The following SLC35F3 variants were observed in gnomAD, a reference collection of about 807,000 sequenced individuals.
The protein encoded by SLC35F3 is putative thiamine transporter SLC35F3.
Under a neutral mutation model 49.9 loss-of-function variants are expected in SLC35F3, and 25 were observed. The ratio of observed to expected loss-of-function variants is 0.50; its 90% CI spans 0.37 to 0.70. The LOEUF is 0.70. Ranked by LOEUF, SLC35F3 falls within the 30% of genes least tolerant of loss-of-function variation. The pLI is 0.00. For synonymous variants in SLC35F3, 275 were observed against 265.4 expected (o/e 1.04, Z -0.35); for missense variants, 525 against 639.8 (o/e 0.82, Z 1.94).
At chr1:234,199,737 A>G (rs1666872991) in intron 2 of SLC35F3, among the ~76,000 whole-genome samples, 3 of 151,532 alleles carry the variant, frequency 2.0e-5, no homozygotes, top group Admixed American at 6.7e-5. Flanking sequence ...TTTGCAAACC[A>G]TACATCTGAT....
chr1:234,006,137 C>T (rs1663627312), intron 2 of SLC35F3, among the ~76,000 whole-genome samples: 1 of 152,274 alleles, frequency 6.6e-6, no homozygotes, highest in African/African-American at 2.4e-5. Flanking sequence ...GGAGCCCATC[C>T]TTTATCTCCT....
intron 2 of SLC35F3, among the ~76,000 whole-genome samples, chr1:234,179,393 T>C (rs1455367206): frequency 2.0e-5 from 3 of 152,194 alleles, no homozygotes; most frequent in African/African-American, 7.2e-5. Flanking sequence ...CCTTCACTAA[T>C]ACCCGGCTCT....
intron 2 of SLC35F3, among the ~76,000 whole-genome samples, chr1:233,962,331 A>G (rs1049270092): frequency 6.6e-6 from 1 of 152,230 alleles, no homozygotes. Flanking sequence ...TTATCAAACT[A>G]TGCTTGTCCA....
intron 2 of SLC35F3, among the ~76,000 whole-genome samples, chr1:234,094,007 G>T (rs9435559): frequency 5.3e-5 from 8 of 152,154 alleles, no homozygotes; most frequent in Admixed American, 2.6e-4. Context: ...CCGCCCAGAC[G>T]GCCAGGAAGC....
At chr1:234,078,356 T>C (rs577891612) in intron 2 of SLC35F3, among the ~76,000 whole-genome samples, 1 of 152,258 alleles carries the variant, frequency 6.6e-6, no homozygotes, top group African/African-American at 2.4e-5. Flanking sequence ...CACCTCCTAC[T>C]CATTCCTCAT....
intron 2 of SLC35F3, among the ~76,000 whole-genome samples, chr1:234,083,971 G>A (rs1476740612): frequency 6.6e-6 from 1 of 151,778 alleles, no homozygotes. Flanking sequence ...CTGAGTAGCT[G>A]GGATTACAGG....
chr1:234,169,142 A>G (rs938883540), intron 2 of SLC35F3, among the ~76,000 whole-genome samples: 4 of 152,164 alleles, frequency 2.6e-5, no homozygotes, highest in Non-Finnish European at 5.9e-5. Flanking sequence ...GAAGAGAGCA[A>G]ATTTGTCCTT....
At chr1:233,913,551 A>G (rs1571976595) in intron 2 of SLC35F3, among the ~76,000 whole-genome samples, 1 of 152,240 alleles carries the variant, frequency 6.6e-6, no homozygotes, top group Non-Finnish European at 1.5e-5. Context: ...GTCTTGGCAC[A>G]TAGAACTCTG....
At position 234,067,426 on chromosome 1, in the gene SLC35F3, G is replaced by A. The variant is rs148820023; in HGVS notation, c.283+161668G>A. ...ACCGGTCCGTGGTCTCTGAGCAAGG[G>A]TGTGGTGGATCATTTGCAGCATGAC... On this transcript the variant is annotated intron_variant, in intron 2 of 7. Coordinates refer to ENST00000366618, the MANE Select transcript of SLC35F3 (RefSeq NM_173508.4). Among the ~76,000 whole-genome samples, 375 of 152,252 alleles carry A rather than the reference G, an allele frequency of 2.5e-3. 3 individuals carry two copies. Among genetic ancestry groups the A allele is most frequent in the African/African-American group, 8.5e-3 (354 of 41,542 alleles).
intron 2 of SLC35F3, among the ~76,000 whole-genome samples, chr1:234,001,826 C>T (rs917147538): frequency 6.6e-5 from 10 of 152,200 alleles, no homozygotes; most frequent in Non-Finnish European, 1.3e-4. Flanking sequence ...ACTATTCCCC[C>T]ATCTTGCAGG....
chr1:234,090,178 G>T (rs543433767), intron 2 of SLC35F3, among the ~76,000 whole-genome samples: 1 of 152,262 alleles, frequency 6.6e-6, no homozygotes, highest in Non-Finnish European at 1.5e-5. Flanking sequence ...GCTTCATGTC[G>T]TTCACTCATT....
intron 2 of SLC35F3, among the ~76,000 whole-genome samples, chr1:234,173,574 G>C (rs753880253): frequency 1.2e-4 from 19 of 152,328 alleles, no homozygotes; most frequent in East Asian, 3.9e-4. Context: ...ACAGAGGTAG[G>C]GGGTGGAGCA....
At chr1:234,030,049 TTAA>T (rs1664035948) in intron 2 of SLC35F3, among the ~76,000 whole-genome samples, 2 of 152,088 alleles carry the variant, frequency 1.3e-5, no homozygotes, top group African/African-American at 4.8e-5. Flanking sequence ...ATCACTTAAA[TTAA>T]ATATGTATAA....
intron 2 of SLC35F3, among the ~76,000 whole-genome samples, chr1:234,182,481 G>A (rs1044935475): frequency 4.6e-5 from 7 of 152,212 alleles, no homozygotes; most frequent in Admixed American, 2.0e-4. Flanking sequence ...TTGTCTGGCC[G>A]TGTCCTGGTT....
chr1:234,316,762 G>T, intron 5 of SLC35F3, 35 bp downstream of exon 5: 1 of 1,583,512 alleles, frequency 6.3e-7, no homozygotes. Context: ...CAGCTGGCTG[G>T]GCTCTCCTCA....
In SLC35F3 at chr1:234,128,285, G is replaced by A. The variant is rs150146937; in HGVS notation, c.284-103132G>A. Among the ~76,000 whole-genome samples the A allele has an allele frequency of 1.5e-3, 225 of 152,296 alleles. 3 individuals are homozygous for A. The East Asian group carries it at 0.036, about 24-fold the overall frequency. The stretch of plus-strand genomic sequence containing the variant: ...CTGTTTGATGCATGTGTACAGCAGG[G>A]CCATGTTTTACCCTCTGCTGTCTCT... On this transcript the variant is annotated intron_variant, in intron 2 of 7. Transcript: ENST00000366618.
rs1161412650 is a variant in SLC35F3, at chr1:234,323,283, C to A, written c.*40C>A. 1 of 1,566,830 alleles carries A rather than the reference C, an allele frequency of 6.4e-7. No individual in the cohort carries two copies. ...AACTCGGTGGTAATGACTGGGAGGT[C>A]TATTCCTGCCGGGAGGAACCTCAGT... On this transcript the variant is annotated 3_prime_UTR_variant, in exon 8 of 8. Coordinates refer to ENST00000366618, the MANE Select transcript of SLC35F3 (RefSeq NM_173508.4). This position sits in a 1 kb window ranked among gnomAD's most constrained non-coding sequence, Gnocchi z 4.5.
chr1:234,092,428 G>C (rs979745450), intron 2 of SLC35F3, among the ~76,000 whole-genome samples: 1 of 152,070 alleles, frequency 6.6e-6, no homozygotes, highest in African/African-American at 2.4e-5. Flanking sequence ...TTGCCCCAGA[G>C]TTTCTTGCCA....
chr1:234,255,672 C>G (rs1183218647), intron 3 of SLC35F3, among the ~76,000 whole-genome samples: 1 of 152,128 alleles, frequency 6.6e-6, no homozygotes, highest in East Asian at 1.9e-4. Flanking sequence ...TCTGAAAAGG[C>G]TATAGACTGT....
Sources: gnomAD v4.1 joint callset for allele counts (sites outside exome capture counted in the v4.1 genomes callset) on GRCh38, gnomAD v4.1.1 for gene constraint, Gnocchi (gnomAD v3.1) non-coding constraint, MANE v1.5 for transcripts, NCBI Gene and HGNC (gene_info 2026-07-23, HGNC 2026-07-21) for gene names.